MYO10: variants seen among roughly 807,000 people sequenced by gnomAD.
MYO10 encodes unconventional myosin-X.
In MYO10, 133 loss-of-function variants were observed where a neutral mutation model predicts 257.3. That is an observed-to-expected ratio of 0.52 (90% CI 0.45 to 0.60). The LOEUF is 0.60. MYO10 is among the 20% of genes least tolerant of loss of function. The pLI, the probability that MYO10 is intolerant of heterozygous loss-of-function variation, is 0.00. For missense variants in MYO10, 2,399 were observed against 2,635.7 expected, an observed-to-expected ratio of 0.91 and a Z score of 1.97; for synonymous variants, 1,104 against 1,028.6, an observed-to-expected ratio of 1.07 and a Z score of -1.40.
chr5:16,764,259 T>C lies in MYO10; in HGVS notation c.1317A>G (p.Glu439=). The C allele has an allele frequency of 6.2e-7, 1 of 1,613,990 alleles. No homozygotes were observed. The highest frequency in any genetic ancestry group is 8.5e-7 in the Non-Finnish European group (1 of 1,179,878). Residue 439 remains glutamate, a synonymous_variant, in exon 12 of 41, where the codon GAA becomes GAG. Transcript: ENST00000513610. The stretch of plus-strand genomic sequence containing the variant: ...CTGTTAGGAAACCTACCTCAAAGTT[T>C]TCAAATCCAAAGATGTCGAGGATGC... ...SIGILDIFGF[E]NFEVNHFEQF...
intron 2 of MYO10, among the ~76,000 whole-genome samples, chr5:16,865,606 T>A (rs1744221746): frequency 6.6e-6 from 1 of 151,330 alleles, no homozygotes; most frequent in South Asian, 2.1e-4. Context: ...AGGTCAGGAG[T>A]TCAAGACCAG....
chr5:16,753,731 A>G (rs1740450183), intron 19 of MYO10, among the ~76,000 whole-genome samples: 1 of 151,872 alleles, frequency 6.6e-6, no homozygotes, highest in Non-Finnish European at 1.5e-5. Context: ...TCGACCTCCC[A>G]AAGTGCTGGG....
chr5:16,694,438 TGGACTGGC>T lies in MYO10; in HGVS notation c.3725_3732del (p.Arg1242GlnfsTer6). ...CTGTCGTTTTCAAAGTACATCAGCT[TGGACTGGC>T]GGAGGACAAACCAGCGCTTCTTCCA... is the stretch of plus-strand genomic sequence containing the variant. On this transcript the variant is annotated frameshift_variant, in exon 27 of 41. Transcript: ENST00000513610. LOFTEE classifies it high-confidence loss of function. 1 of 1,614,036 alleles carries T rather than the reference TGGACTGGC, an allele frequency of 6.2e-7. No individual in the cohort carries two copies. Among genetic ancestry groups the T allele is most frequent in the South Asian group, 1.1e-5 (1 of 91,090 alleles).
chr5:16,785,543 A>C (rs1001030847), intron 4 of MYO10, among the ~76,000 whole-genome samples: 6 of 152,246 alleles, frequency 3.9e-5, no homozygotes, highest in African/African-American at 1.2e-4. Context: ...GGCACACAGA[A>C]GCCGAAAACA....
chr5:16,852,323 A>G (rs1304762609), intron 2 of MYO10, among the ~76,000 whole-genome samples: 2 of 152,034 alleles, frequency 1.3e-5, no homozygotes, highest in African/African-American at 4.8e-5. Context: ...CTGAATGTGC[A>G]AAGGGGCTTA....
chr5:16,690,493 C>T (rs183168665), intron 27 of MYO10, among the ~76,000 whole-genome samples: 488 of 152,238 alleles, frequency 3.2e-3, no homozygotes, highest in African/African-American at 0.01. Context: ...AGCAGGGTTC[C>T]CCTGACTTCT....
intron 22 of MYO10, among the ~76,000 whole-genome samples, chr5:16,703,616 T>C (rs996737466): frequency 1.3e-5 from 2 of 152,070 alleles, no homozygotes; most frequent in African/African-American, 4.8e-5. Context: ...CGGTGGCTCA[T>C]GCCTGTAATC....
intron 3 of MYO10, among the ~76,000 whole-genome samples, chr5:16,811,778 T>C (rs1480654077): frequency 6.6e-6 from 1 of 152,118 alleles, no homozygotes; most frequent in African/African-American, 2.4e-5. Context: ...CTTGAACTCA[T>C]GGGCTCAAGC....
chr5:16,783,478 C>A lies in MYO10; in HGVS notation c.468-9G>T. The stretch of plus-strand genomic sequence containing the variant: ...CTGCCCCACTTTCACCACTGAAAGA[C>A]AAAACGGAAAAGTTTGTGCTTCTAA... On this transcript the variant is annotated splice_polypyrimidine_tract_variant and intron_variant, in intron 4 of 40. Transcript: ENST00000513610. 1 of 1,605,402 alleles carries A rather than the reference C, an allele frequency of 6.2e-7. No individual in the cohort carries two copies. Among genetic ancestry groups the A allele is most frequent in the Non-Finnish European group, 8.5e-7 (1 of 1,177,242 alleles).
chr5:16,738,501 G>T, intron 19 of MYO10: 2 of 685,822 alleles, frequency 2.9e-6, no homozygotes, highest in Non-Finnish European at 3.6e-6. Context: ...GTTCCTATTC[G>T]CCCTCACTTC....
At chr5:16,878,361 G>C (rs1293829543) in intron 1 of MYO10, among the ~76,000 whole-genome samples, 8 of 152,152 alleles carry the variant, frequency 5.3e-5, no homozygotes, top group Non-Finnish European at 1.2e-4. Context: ...ATTTTGTTAG[G>C]ATTACATGAG....
chr5:16,686,703 T>G (rs544635237), intron 28 of MYO10, among the ~76,000 whole-genome samples: 20 of 146,942 alleles, frequency 1.4e-4, no homozygotes, highest in Non-Finnish European at 2.9e-4. Flanking sequence ...TTTTTGGTAT[T>G]TTCAGTAGAG....
In MYO10 at chr5:16,681,871, C is replaced by G. The variant is rs769791327; in HGVS notation, c.4189G>C (p.Gly1397Arg). 1 of 1,613,754 alleles carries G rather than the reference C, an allele frequency of 6.2e-7. No homozygotes were observed. Among genetic ancestry groups the G allele is most frequent in the South Asian group, 1.1e-5 (1 of 91,044 alleles). Residue 1397 changes from glycine to arginine, a missense_variant and splice_region_variant, in exon 31 of 41, where the codon GGA becomes CGA. Coordinates refer to ENST00000513610, the MANE Select transcript of MYO10 (RefSeq NM_012334.3). ...RVEGQEFIVR[G>R]WLHKEVKNSP... ...CCGAGGAAGCAGGGCAGGCAGTCAC[C>G]TCTCACGATGAATTCCTGGCCCTCC...
intron 4 of MYO10, among the ~76,000 whole-genome samples, chr5:16,788,810 G>A (rs868730310): frequency 6.6e-6 from 1 of 152,138 alleles, no homozygotes; most frequent in Admixed American, 6.5e-5. Flanking sequence ...TTGCTGAGAC[G>A]AAGGAGTAGT....
rs111834075 is a variant in MYO10 at position 16,803,191 on chromosome 5, C to T, written c.280-8358G>A. On this transcript the variant is annotated intron_variant, in intron 3 of 40. Coordinates refer to ENST00000513610, the MANE Select transcript of MYO10 (RefSeq NM_012334.3). ...CCGTAATCCCAGCAGTTTGGGAGGC[C>T]GAGGCGGGAGGATCACTTGAGTCCA... 4.6e-5 allele frequency among the ~76,000 whole-genome samples: 7 copies of T among 152,154 alleles called. 1 individual carries two copies. Among genetic ancestry groups the T allele is most frequent in the African/African-American group, 1.4e-4 (6 of 41,530 alleles).
chr5:16,822,277 G>T (rs995236985), intron 2 of MYO10, among the ~76,000 whole-genome samples: 3 of 150,542 alleles, frequency 2.0e-5, no homozygotes, highest in East Asian at 1.9e-4. Flanking sequence ...AAAAAAAAAC[G>T]AGTCAAGCAA....
intron 2 of MYO10, among the ~76,000 whole-genome samples, chr5:16,821,624 GC>G (rs1231015457): frequency 6.6e-6 from 1 of 150,704 alleles, no homozygotes; most frequent in East Asian, 2.0e-4. Flanking sequence ...CCACCACCAC[GC>G]CCAGCTAATT....
At chr5:16,671,099 G>C in intron 38 of MYO10, 121 bp from the exon 39 acceptor site, 1 of 956,608 alleles carries the variant, frequency 1.0e-6, no homozygotes, top group African/African-American at 1.7e-5. Flanking sequence ...GACTGCCCTG[G>C]CTAAAACTGT....
chr5:16,779,774 T>C lies in MYO10; in HGVS notation c.827-126A>G, dbSNP rs1290249540. ...TCTTAACAGTCTCCCATAAAGATAA[T>C]AAAGTTCCCTCTTAGTTACCATCTA... On this transcript the variant is annotated intron_variant, in intron 8 of 40. Coordinates refer to ENST00000513610, the MANE Select transcript of MYO10 (RefSeq NM_012334.3). 5.6e-6 allele frequency: 3 copies of C among 537,304 alleles called. 1 individual carries two copies. The Admixed American group carries it at 1.2e-4, about 21-fold the overall frequency. The allele number at this position is 537,304 out of a possible 1,614,324, so 33.3% of individuals were successfully genotyped here. A position where few individuals can be genotyped will look rare whatever the true frequency, so the allele number is the denominator to read the frequency against.
Sources: gnomAD v4.1 joint callset for allele counts (sites outside exome capture counted in the v4.1 genomes callset) on GRCh38, gnomAD v4.1.1 for gene constraint, MANE v1.5 for transcripts, NCBI Gene and HGNC (gene_info 2026-07-23, HGNC 2026-07-21) for gene names.